IGFL4: variants seen among roughly 807,000 people sequenced by gnomAD.
IGFL4 encodes the protein IGF like family member 4.
IGFL4 carries 12 observed loss-of-function variants against 15.4 expected under a neutral mutation model. That is an observed-to-expected ratio of 0.78 (90% CI 0.50 to 1.26). The LOEUF is 1.26. IGFL4 is among the 50% of genes most tolerant of loss of function. The probability of loss-of-function intolerance (pLI) is 0.00; values close to 1 mark genes in which losing one functional copy is unlikely to be tolerated. For synonymous variants in IGFL4, 54 were observed against 55.9 expected, an observed-to-expected ratio of 0.97 and a Z score of 0.16; for missense variants, 126 against 147.8, an observed-to-expected ratio of 0.85 and a Z score of 0.76.
At chr19:46,072,724 C>A (rs1033161736) in intron 1 of IGFL4, among the ~76,000 whole-genome samples, 3 of 152,226 alleles carry the variant, frequency 2.0e-5, no homozygotes, top group Non-Finnish European at 4.4e-5. Context: ...ATGCAGCTCA[C>A]AACTGGTCAG....
At chr19:46,041,808 A>C (rs2146508919), upstream of IGFL4, among the ~76,000 whole-genome samples, 1 of 149,462 alleles carries the variant, frequency 6.7e-6, no homozygotes, top group East Asian at 2.0e-4. Context: ...TAGACTCTCT[A>C]GAGTCTCTTC....
upstream of IGFL4, among the ~76,000 whole-genome samples, chr19:46,041,842 T>C (rs1322923923): frequency 2.7e-5 from 4 of 148,200 alleles, no homozygotes; most frequent in Admixed American, 1.3e-4. Context: ...TCTCTCTTTT[T>C]TTTTTTTTTT....
At chr19:46,075,698 T>C (rs1969589158) in intron 1 of IGFL4, among the ~76,000 whole-genome samples, 1 of 152,212 alleles carries the variant, frequency 6.6e-6, no homozygotes, top group Admixed American at 6.5e-5. Context: ...GTAAAGTTAC[T>C]CTTTTTCTCC....
intron 1 of IGFL4, among the ~76,000 whole-genome samples, chr19:46,064,584 T>G (rs988169750): frequency 6.6e-6 from 1 of 152,168 alleles, no homozygotes. Context: ...ATGTTTGTCT[T>G]TCTGTGTCTG....
intron 1 of IGFL4, among the ~76,000 whole-genome samples, chr19:46,072,276 G>A (rs765167844): frequency 1.1e-4 from 17 of 152,310 alleles, no homozygotes; most frequent in Non-Finnish European, 2.1e-4. Flanking sequence ...AAGGATCTGA[G>A]TATAGCACAG....
At chr19:46,047,194 G>A (rs887915145) in intron 2 of IGFL4, among the ~76,000 whole-genome samples, 1 of 152,158 alleles carries the variant, frequency 6.6e-6, no homozygotes, top group Non-Finnish European at 1.5e-5. Flanking sequence ...AGAAATTCTT[G>A]AAACTAATGA....
chr19:46,063,405 C>T (rs1969465332), intron 1 of IGFL4, among the ~76,000 whole-genome samples: 1 of 152,018 alleles, frequency 6.6e-6, no homozygotes, highest in Admixed American at 6.6e-5. Flanking sequence ...TCATCACTAA[C>T]TCAGTTCAAA....
intron 1 of IGFL4, among the ~76,000 whole-genome samples, chr19:46,062,505 C>G (rs1177154513): frequency 6.6e-6 from 1 of 152,202 alleles, no homozygotes; most frequent in Non-Finnish European, 1.5e-5. Context: ...TTAGAGTTAA[C>G]TGTGATATGA....
At chr19:46,065,121 G>A (rs1274387734) in intron 1 of IGFL4, among the ~76,000 whole-genome samples, 4 of 152,054 alleles carry the variant, frequency 2.6e-5, no homozygotes, top group African/African-American at 9.7e-5. Flanking sequence ...ATCTTTCACC[G>A]ATTCTTTTGA....
At chr19:46,041,092 A>G (rs887736520), upstream of IGFL4, 12 of 789,370 alleles carry the variant, frequency 1.5e-5, no homozygotes, top group Non-Finnish European at 2.4e-5. Flanking sequence ...GTTTCTTGGG[A>G]AGAGTTAGGC....
At chr19:46,043,376 A>G (rs1969265158), upstream of IGFL4, among the ~76,000 whole-genome samples, 1 of 152,220 alleles carries the variant, frequency 6.6e-6, no homozygotes, top group Non-Finnish European at 1.5e-5. Flanking sequence ...TTCTCTCCAA[A>G]TTGTCTACAG....
chr19:46,055,764 T>C (rs762400392), intron 2 of IGFL4, among the ~76,000 whole-genome samples: 11 of 152,152 alleles, frequency 7.2e-5, no homozygotes, highest in Admixed American at 7.2e-4. Flanking sequence ...CAAAAAGTTT[T>C]GTGAGAGCTC....
chr19:46,051,266 T>G (rs1291900541), intron 2 of IGFL4, among the ~76,000 whole-genome samples: 2 of 152,156 alleles, frequency 1.3e-5, no homozygotes, highest in Non-Finnish European at 2.9e-5. Flanking sequence ...CACAATGAGC[T>G]GGGCACAGCG....
At chr19:46,066,862 C>G (rs1413347508) in intron 1 of IGFL4, among the ~76,000 whole-genome samples, 1 of 152,170 alleles carries the variant, frequency 6.6e-6, no homozygotes, top group Non-Finnish European at 1.5e-5. Context: ...CAACCTATAT[C>G]AACCATTTAA....
At chr19:46,068,071 G>A (rs534249814) in intron 1 of IGFL4, among the ~76,000 whole-genome samples, 4 of 152,310 alleles carry the variant, frequency 2.6e-5, no homozygotes, top group African/African-American at 4.8e-5. Context: ...AGGCTGAAGC[G>A]GGGAGAGAGC....
At chr19:46,051,800 A>T (rs1969347406) in intron 2 of IGFL4, among the ~76,000 whole-genome samples, 1 of 152,198 alleles carries the variant, frequency 6.6e-6, no homozygotes, top group African/African-American at 2.4e-5. Flanking sequence ...AAGATATCCC[A>T]TGCAAATGGA....
At chr19:46,073,292 C>T (rs1211630821) in intron 1 of IGFL4, among the ~76,000 whole-genome samples, 5 of 152,088 alleles carry the variant, frequency 3.3e-5, no homozygotes, top group African/African-American at 7.2e-5. Context: ...TGATAGTGAA[C>T]ACTCACTAAA....
At position 46,048,449 on chromosome 19, in the gene IGFL4, G is replaced by A. The variant is rs535432856; in HGVS notation, c.-322-7339C>T. On this transcript the variant is annotated intron_variant, in intron 2 of 5. Coordinates refer to the IGFL4 transcript ENST00000601672. Reference sequence around the variant, plus strand: ...ATTAGGCTAGAGAAAGAAATAAAGCGTATTCAAATAGGAAGAGAGGAAGTC... The same window carrying A: ...ATTAGGCTAGAGAAAGAAATAAAGCATATTCAAATAGGAAGAGAGGAAGTC... 6.0e-4 allele frequency among the ~76,000 whole-genome samples: 91 copies of A among 152,214 alleles called. 1 individual carries two copies. The highest frequency in any genetic ancestry group is 2.3e-3 in the South Asian group (11 of 4,816).
intron 1 of IGFL4, among the ~76,000 whole-genome samples, chr19:46,071,373 T>C (rs1356759243): frequency 6.6e-6 from 1 of 152,198 alleles, no homozygotes; most frequent in African/African-American, 2.4e-5. Context: ...CTTTCTGGTT[T>C]CCAGTACTCC....
Sources: gnomAD v4.1 joint callset for allele counts (sites outside exome capture counted in the v4.1 genomes callset) on GRCh38, gnomAD v4.1.1 for gene constraint, MANE v1.5 for transcripts, NCBI Gene and HGNC (gene_info 2026-07-23, HGNC 2026-07-21) for gene names.